EPHA6: variants seen among roughly 807,000 people sequenced by gnomAD.
EPHA6 encodes the protein EPH receptor A6, also known as ephrin type-A receptor 6.
Under a neutral mutation model 112.0 loss-of-function variants are expected in EPHA6, and 50 were observed. The ratio of observed to expected loss-of-function variants is 0.45; its 90% confidence interval spans 0.36 to 0.56. The LOEUF (loss-of-function observed/expected upper bound fraction) is 0.56. Among genes scored for constraint, EPHA6 ranks in the 20% least tolerant of loss-of-function variants. The pLI, the probability that EPHA6 is intolerant of heterozygous loss-of-function variation, is 0.00. For synonymous variants in EPHA6, 529 were observed against 490.7 expected (o/e 1.08, Z -1.03); for missense variants, 1,280 against 1,417.4 (o/e 0.90, Z 1.56).
chr3:96,900,589 G>C (rs1575972793), intron 2 of EPHA6, among the ~76,000 whole-genome samples: 1 of 152,204 alleles, frequency 6.6e-6, no homozygotes, highest in Non-Finnish European at 1.5e-5. Flanking sequence ...AGCTTTTGAG[G>C]AACAGAGAAT....
At chr3:96,835,946 G>T (rs1172351967) in intron 1 of EPHA6, among the ~76,000 whole-genome samples, 1 of 152,034 alleles carries the variant, frequency 6.6e-6, no homozygotes, top group Non-Finnish European at 1.5e-5. Context: ...GAATGTCACA[G>T]TATTAAGGGG....
chr3:97,669,112 G>A (rs755811030), intron 14 of EPHA6, among the ~76,000 whole-genome samples: 3 of 151,768 alleles, frequency 2.0e-5, no homozygotes, highest in Non-Finnish European at 4.4e-5. Flanking sequence ...CCTGAGTTGC[G>A]AGATCCCAAA....
chr3:97,684,403 A>C (rs868546069), intron 14 of EPHA6, among the ~76,000 whole-genome samples: 1 of 152,330 alleles, frequency 6.6e-6, no homozygotes, highest in South Asian at 2.1e-4. Flanking sequence ...AAGACATTTT[A>C]ACTACAACTG....
chr3:97,268,600 T>C (rs1199226769), intron 5 of EPHA6, among the ~76,000 whole-genome samples: 1 of 152,202 alleles, frequency 6.6e-6, no homozygotes, highest in Non-Finnish European at 1.5e-5. Flanking sequence ...TTTTTAAAAG[T>C]ATTATTTGTA....
chr3:97,334,833 TCTA>T (rs1382451909), intron 5 of EPHA6, among the ~76,000 whole-genome samples: 1 of 152,196 alleles, frequency 6.6e-6, no homozygotes, highest in African/African-American at 2.4e-5. Context: ...AAGTGATTTC[TCTA>T]CTGTTTTTCA....
At chr3:96,995,708 A>G (rs966480171) in intron 3 of EPHA6, among the ~76,000 whole-genome samples, 2 of 152,150 alleles carry the variant, frequency 1.3e-5, no homozygotes, top group African/African-American at 2.4e-5. Context: ...TAGGTTTACA[A>G]TAGCATTGTA....
intron 10 of EPHA6, among the ~76,000 whole-genome samples, chr3:97,498,890 A>C (rs1195733250): frequency 6.6e-6 from 1 of 152,220 alleles, no homozygotes; most frequent in Non-Finnish European, 1.5e-5. Context: ...GTCTTCCATG[A>C]AACCAGTTGC....
rs962381627 is a variant in EPHA6, at chr3:97,609,800, G to T, written c.2513-993G>T. The stretch of plus-strand genomic sequence containing the variant: ...TTCTTTCTAGATCTCCTTTGTGTTT[G>T]TAAGGAAAAACTGTGCATAGTGCAG... On this transcript the variant is annotated intron_variant, in intron 12 of 17. Transcript: ENST00000389672. Among the ~76,000 whole-genome samples, 4 of 151,534 alleles carry T rather than the reference G, an allele frequency of 2.6e-5. No individual in the cohort carries two copies. The East Asian group carries it at 5.8e-4, about 22-fold the overall frequency.
chr3:97,713,812 C>T (rs1315931163), intron 14 of EPHA6, among the ~76,000 whole-genome samples: 1 of 152,166 alleles, frequency 6.6e-6, no homozygotes, highest in Non-Finnish European at 1.5e-5. Context: ...AAGCTGCAGA[C>T]AGAAGTCTGG....
At chr3:97,626,423 G>A (rs1345512835) in intron 13 of EPHA6, among the ~76,000 whole-genome samples, 1 of 151,780 alleles carries the variant, frequency 6.6e-6, no homozygotes, top group Admixed American at 6.6e-5. Context: ...AAATGTAAGA[G>A]TGAAGATAAT....
rs548305440 is a variant in EPHA6 at position 97,087,027 on chromosome 3, G to T, written c.1114+99034G>T. On this transcript the variant is annotated intron_variant, in intron 3 of 17. Transcript: ENST00000389672. Reference sequence around the variant, plus strand: ...AACACGTAAGTTTTGTTTTCCTGTGGGCATGTCACAAAGCAGCCTTGCCTT... The same window carrying T: ...AACACGTAAGTTTTGTTTTCCTGTGTGCATGTCACAAAGCAGCCTTGCCTT... Among the ~76,000 whole-genome samples the T allele has an allele frequency of 3.3e-5, 5 of 152,194 alleles. No homozygotes were observed. In the South Asian group the frequency reaches 8.3e-4, roughly 25 times the overall value.
At chr3:97,432,256 G>T (rs1054151552) in intron 6 of EPHA6, among the ~76,000 whole-genome samples, 1 of 152,104 alleles carries the variant, frequency 6.6e-6, no homozygotes, top group African/African-American at 2.4e-5. Context: ...CTAACTCAAG[G>T]TATAGTTTAT....
intron 5 of EPHA6, among the ~76,000 whole-genome samples, chr3:97,377,598 T>C (rs1272466500): frequency 6.6e-6 from 1 of 152,172 alleles, no homozygotes; most frequent in Non-Finnish European, 1.5e-5. Context: ...TCCTAGAGAC[T>C]TGTTAAATGG....
At chr3:97,236,615 A>G (rs2108566536) in intron 4 of EPHA6, among the ~76,000 whole-genome samples, 1 of 152,260 alleles carries the variant, frequency 6.6e-6, no homozygotes, top group South Asian at 2.1e-4. Context: ...TCAAACAAAT[A>G]CCTATGAGTG....
chr3:97,175,892 A>G (rs2076822430), intron 3 of EPHA6, among the ~76,000 whole-genome samples: 1 of 151,866 alleles, frequency 6.6e-6, no homozygotes, highest in Non-Finnish European at 1.5e-5. Context: ...GATGCCCTTT[A>G]TAACCTTCTC....
In EPHA6 at chr3:97,236,970, C is replaced by T. The variant is rs118121390; in HGVS notation, c.1271-6982C>T. ...TTCTGCTTGTTATCTCTTCTTCCCC[C>T]GCCATCTCATTACTTTTTTTCTCTT... On this transcript the variant is annotated intron_variant, in intron 4 of 17. Coordinates refer to ENST00000389672, the MANE Select transcript of EPHA6 (RefSeq NM_001080448.3). Among the ~76,000 whole-genome samples the T allele has an allele frequency of 2.7e-4, 41 of 151,986 alleles. No homozygotes were observed. The East Asian group carries it at 7.4e-3, about 27-fold the overall frequency.
chr3:97,011,468 G>T (rs2044082539), intron 3 of EPHA6, among the ~76,000 whole-genome samples: 1 of 152,158 alleles, frequency 6.6e-6, no homozygotes, highest in Non-Finnish European at 1.5e-5. Context: ...TGTGTATCAA[G>T]AAACAAACAA....
intron 1 of EPHA6, among the ~76,000 whole-genome samples, chr3:96,852,143 T>C (rs62262941): frequency 0.031 from 4,722 of 152,194 alleles, 104 homozygotes; most frequent in Middle Eastern, 0.068. Context: ...AGTTTTAAAT[T>C]TCTAAGAAAA....
chr3:96,892,423 G>A (rs755341173), intron 2 of EPHA6, among the ~76,000 whole-genome samples: 5 of 151,870 alleles, frequency 3.3e-5, no homozygotes, highest in South Asian at 2.1e-4. Context: ...GAGTTTCGCC[G>A]TATTGGCCAG....
Sources: allele counts gnomAD v4.1 joint callset (sites outside exome capture counted in the v4.1 genomes callset), GRCh38; gene constraint gnomAD v4.1.1; transcripts MANE v1.5; gene names NCBI Gene and HGNC (gene_info 2026-07-23, HGNC 2026-07-21).